The following ADAMTS2 variants were observed in gnomAD, a reference collection of about 807,000 sequenced individuals.
ADAMTS2 encodes the protein ADAM metallopeptidase with thrombospondin type 1 motif 2.
In ADAMTS2, 50 loss-of-function variants were observed where a neutral mutation model predicts 123.0. The observed-to-expected ratio is 0.41, with a 90% CI of 0.32 to 0.51. The LOEUF is 0.51. Ranked by LOEUF, ADAMTS2 falls within the 20% of genes least tolerant of loss-of-function variation. ADAMTS2 has a pLI of 0.35. For synonymous variants in ADAMTS2, 678 were observed against 695.4 expected (o/e 0.98, Z 0.39); for missense variants, 1,494 against 1,705.2 (o/e 0.88, Z 2.18).
intron 19 of ADAMTS2, 123 bp downstream of exon 19, chr5:179,124,850 C>T: frequency 6.3e-7 from 1 of 1,598,272 alleles, no homozygotes; most frequent in Non-Finnish European, 8.5e-7. Flanking sequence ...CATTGCAGTG[C>T]TTGGCATGCA....
chr5:179,217,814 C>T lies in ADAMTS2; in HGVS notation c.689-10099G>A, dbSNP rs80162662. On this transcript the variant is annotated intron_variant, in intron 3 of 21. Coordinates refer to ENST00000251582, the MANE Select transcript of ADAMTS2 (RefSeq NM_014244.5). ...GGCGCAAGGGGGGGATGGGCACACT[C>T]ACTAGGGGATGGCCTGAGGGCAGAC... 6.9e-3 allele frequency among the ~76,000 whole-genome samples: 474 copies of T among 68,902 alleles called. 63 individuals are homozygous for T. The highest frequency in any genetic ancestry group is 0.026 in the Middle Eastern group (4 of 156). The allele number at this position is 68,902 out of a possible 152,430, so 45.2% of individuals were successfully genotyped here.
At chr5:179,270,516 T>TACAC (rs34035881) in intron 3 of ADAMTS2, among the ~76,000 whole-genome samples, 7 of 151,572 alleles carry the variant, frequency 4.6e-5, no homozygotes, top group Non-Finnish European at 7.4e-5. Flanking sequence ...GGGTCCCCTA[T>TACAC]ACACACACAC....
In ADAMTS2 at chr5:179,323,989, T is replaced by C. The variant is rs1683145606; in HGVS notation, c.534+19778A>G. ...AAAGTAATGAAGCTCTGATGCATGC[T>C]GCAACCTAGATGAACCTTGAAAACA... On this transcript the variant is annotated intron_variant, in intron 2 of 21. Coordinates refer to ENST00000251582, the MANE Select transcript of ADAMTS2 (RefSeq NM_014244.5). Among the ~76,000 whole-genome samples the C allele has an allele frequency of 2.0e-5, 3 of 152,236 alleles. No homozygotes were observed. The South Asian group carries it at 6.2e-4, about 32-fold the overall frequency.
At chr5:179,331,908 T>C (rs340419) in intron 2 of ADAMTS2, among the ~76,000 whole-genome samples, 97,118 of 152,060 alleles carry the variant, frequency 0.64, 31,246 homozygotes, top group South Asian at 0.8. Context: ...GCAATGCTCA[T>C]GCCAACTACC....
In ADAMTS2 at chr5:179,126,003, C is replaced by T; in HGVS notation, c.2745G>A (p.Gln915=). ...CCCGAGCTGGGGGCACTCACACTGG[C>T]TGGGAGCATTCCTGTGGGTTGCACG... ...RRACNPQECS[Q]PVWVTGEWEP... is the part of the protein sequence containing the mutation. Residue 915 remains glutamine, a synonymous_variant, in exon 18 of 22, where the codon CAG becomes CAA. Transcript: ENST00000251582. 6.2e-7 allele frequency: 1 copy of T among 1,613,460 alleles called. No homozygotes were observed. Among genetic ancestry groups the T allele is most frequent in the Non-Finnish European group, 8.5e-7 (1 of 1,180,012 alleles).
chr5:179,323,328 C>G (rs999662253), intron 2 of ADAMTS2, among the ~76,000 whole-genome samples: 1 of 152,258 alleles, frequency 6.6e-6, no homozygotes, highest in African/African-American at 2.4e-5. Flanking sequence ...CCTGGGCCCC[C>G]CACCCTCCAG....
intron 2 of ADAMTS2, among the ~76,000 whole-genome samples, chr5:179,320,727 A>C (rs1397628454): frequency 6.6e-6 from 1 of 152,200 alleles, no homozygotes; most frequent in African/African-American, 2.4e-5. Flanking sequence ...GCCAGGTAGA[A>C]TACGTTGTCA....
intron 5 of ADAMTS2, among the ~76,000 whole-genome samples, chr5:179,176,544 C>G (rs1390714851): frequency 6.6e-6 from 1 of 152,216 alleles, no homozygotes; most frequent in South Asian, 2.1e-4. Context: ...CCTTCACCCA[C>G]CTAGTGCCAC....
rs1561762944 is a variant in ADAMTS2, at chr5:179,115,681, A to AAAGGGAGGAG, written c.3179-1358_3179-1357insCTCCTCCCTT. Reference sequence around the variant, plus strand: ...GGAAAGGGAGGGAGGGACAAAAGGAAGAAAGGGAGGAGGAAAGGGAGGGAG... The same window carrying AAAGGGAGGAG: ...GGAAAGGGAGGGAGGGACAAAAGGAAAAGGGAGGAGGAAAGGGAGGAGGAAAGGGAGGGAG... On this transcript the variant is annotated intron_variant, in intron 21 of 21. Transcript: ENST00000251582. This position sits in a 1 kb window ranked among gnomAD's most constrained non-coding sequence, Gnocchi z 4.4. 5.2e-4 allele frequency among the ~76,000 whole-genome samples: 79 copies of AAAGGGAGGAG among 151,270 alleles called. No homozygotes were observed. Among genetic ancestry groups the AAAGGGAGGAG allele is most frequent in the Admixed American group, 3.4e-3 (52 of 15,196 alleles).
At chr5:179,137,645 C>T in intron 12 of ADAMTS2, 124 bp downstream of exon 12, 1 of 1,351,262 alleles carries the variant, frequency 7.4e-7, no homozygotes, top group Non-Finnish European at 1.0e-6. Context: ...CCAGGGTGGG[C>T]TCTCCTGCCA....
At chr5:179,121,528 G>T in intron 21 of ADAMTS2, 133 bp downstream of exon 21, 1 of 634,962 alleles carries the variant, frequency 1.6e-6, no homozygotes, top group East Asian at 3.0e-5. Flanking sequence ...GGGAGAAAAC[G>T]GTCACCCCAG....
intron 3 of ADAMTS2, among the ~76,000 whole-genome samples, chr5:179,268,742 G>A (rs1766442002): frequency 6.6e-6 from 1 of 152,240 alleles, no homozygotes; most frequent in African/African-American, 2.4e-5. Flanking sequence ...CAGGACCAGG[G>A]CCTGCCTGGG....
rs3986816 is a variant in ADAMTS2 at position 179,283,549 on chromosome 5, C to CAAAAAAAAA, written c.535-10494_535-10486dup. ...AAAATATGGTAGACTAGAAAAACAG[C>CAAAAAAAAA]AAAAAAAAAAAAAAAAAAAAATCCA... On this transcript the variant is annotated intron_variant, in intron 2 of 21. Coordinates refer to ENST00000251582, the MANE Select transcript of ADAMTS2 (RefSeq NM_014244.5). Among the ~76,000 whole-genome samples, 185 of 51,292 alleles carry CAAAAAAAAA rather than the reference C, an allele frequency of 3.6e-3. 1 individual carries two copies. Among genetic ancestry groups the CAAAAAAAAA allele is most frequent in the African/African-American group, 0.016 (167 of 10,492 alleles). 33.6% of individuals were successfully genotyped at this position (51,292 alleles called of 152,430 possible).
intron 6 of ADAMTS2, among the ~76,000 whole-genome samples, chr5:179,156,892 C>G (rs1763481551): frequency 6.6e-6 from 1 of 150,994 alleles, no homozygotes; most frequent in African/African-American, 2.4e-5. Context: ...CTTTTTCATG[C>G]TGTAAGGATT....
rs528884439 is a variant in ADAMTS2, at chr5:179,318,597, CAGTT to C, written c.534+25166_534+25169del. Among the ~76,000 whole-genome samples, 114 of 152,340 alleles carry C rather than the reference CAGTT, an allele frequency of 7.5e-4. 1 individual carries two copies. The East Asian group carries it at 7.5e-3, about 10-fold the overall frequency. The stretch of plus-strand genomic sequence containing the variant: ...CGCCTCCGTCTTTTTGGAATCTTGA[CAGTT>C]AGAAGACGACAAGGGCCACTGTCCA... On this transcript the variant is annotated intron_variant, in intron 2 of 21. Coordinates refer to ENST00000251582, the MANE Select transcript of ADAMTS2 (RefSeq NM_014244.5).
chr5:179,240,182 GCAAA>G lies in ADAMTS2; in HGVS notation c.689-32471_689-32468del, dbSNP rs569133721. On this transcript the variant is annotated intron_variant, in intron 3 of 21. Coordinates refer to ENST00000251582, the MANE Select transcript of ADAMTS2 (RefSeq NM_014244.5). ...GATATGAAAAGTCATCTGGAAGGAGGCAAACAGACTGAGGGGAGCAGTCTGGCTG... is the reference window on the plus strand; with the variant it reads ...GATATGAAAAGTCATCTGGAAGGAGGCAGACTGAGGGGAGCAGTCTGGCTG... 9.5e-3 allele frequency among the ~76,000 whole-genome samples: 1,448 copies of G among 152,306 alleles called. 10 individuals are homozygous for G. The highest frequency in any genetic ancestry group is 0.013 in the Non-Finnish European group (904 of 68,022).
intron 2 of ADAMTS2, among the ~76,000 whole-genome samples, chr5:179,306,183 T>C (rs1756667930): frequency 6.8e-6 from 1 of 147,256 alleles, no homozygotes; most frequent in Non-Finnish European, 1.5e-5. Context: ...TATAAACCAA[T>C]ATCCCTCAAT....
intron 5 of ADAMTS2, among the ~76,000 whole-genome samples, 190 bp from the exon 6 acceptor site, chr5:179,159,069 C>A (rs1030836420): frequency 6.6e-6 from 1 of 152,226 alleles, no homozygotes; most frequent in Non-Finnish European, 1.5e-5. Context: ...AGAAAAGTTT[C>A]CCCAGTCACA....
chr5:179,122,615 A>AGCAGGG, intron 20 of ADAMTS2, 29 bp downstream of exon 20: 1 of 1,548,110 alleles, frequency 6.5e-7, no homozygotes, highest in Non-Finnish European at 8.7e-7. Flanking sequence ...GCATGCTGGG[A>AGCAGGG]GCAGGGGCAG....
Sources: allele counts gnomAD v4.1 joint callset (sites outside exome capture counted in the v4.1 genomes callset), GRCh38; gene constraint gnomAD v4.1.1; non-coding constraint Gnocchi (gnomAD v3.1); transcripts MANE v1.5; gene names NCBI Gene and HGNC (gene_info 2026-07-23, HGNC 2026-07-21).